The following MLYCD variants were observed in gnomAD, a reference collection of about 807,000 sequenced individuals.
MLYCD encodes malonyl-CoA decarboxylase, mitochondrial.
A neutral mutation model predicts 35.8 loss-of-function variants in MLYCD; 27 were observed. The observed-to-expected ratio is 0.75, with a 90% CI of 0.56 to 1.04. The LOEUF is 1.04. Among genes scored for constraint, MLYCD ranks in the 50% least tolerant of loss-of-function variants. MLYCD has a pLI of 0.00. For synonymous variants in MLYCD, 403 were observed against 302.4 expected (o/e 1.33, Z -3.45); for missense variants, 917 against 665.1 (o/e 1.38, Z -4.17).
At chr16:83,912,635 C>A in intron 4 of MLYCD, 1 of 489,256 alleles carries the variant, frequency 2.0e-6, no homozygotes, top group Non-Finnish European at 3.7e-6. Flanking sequence ...CATCAACTCT[C>A]TCTAGGGTGA....
chr16:83,902,373 C>T (rs1597287834), intron 1 of MLYCD, among the ~76,000 whole-genome samples: 1 of 151,246 alleles, frequency 6.6e-6, no homozygotes, highest in African/African-American at 2.4e-5. Flanking sequence ...TTTAAAATCC[C>T]TGTCGCTTAA....
At chr16:83,911,206 CTGA>C (rs1163888687) in intron 3 of MLYCD, among the ~76,000 whole-genome samples, 1 of 152,118 alleles carries the variant, frequency 6.6e-6, no homozygotes, top group East Asian at 1.9e-4. Flanking sequence ...TCTCGATCTC[CTGA>C]CCTCGTGATC....
chr16:83,900,582 ATTTTTTTTTT>A (rs1156957811), intron 1 of MLYCD, among the ~76,000 whole-genome samples: 2 of 121,062 alleles, frequency 1.7e-5, no homozygotes, highest in African/African-American at 3.1e-5. Flanking sequence ...TGCCCGGCTA[ATTTTTTTTTT>A]TTTTTTTTTT....
In MLYCD at chr16:83,922,234, A is replaced by G. The variant is rs1211059583; in HGVS notation, c.*6745A>G. 1 of 147,324 alleles carries G rather than the reference A, an allele frequency of 6.8e-6. No homozygotes were observed. Among genetic ancestry groups the G allele is most frequent in the Non-Finnish European group, 1.5e-5 (1 of 67,138 alleles). 9.1% of individuals were successfully genotyped at this position (147,324 alleles called of 1,614,324 possible). ...GCTTCCGGAGCCCGCGTCCCGTCCC[A>G]TCTCAGGAGCTACTCTGCTCCATTC... On this transcript the variant is annotated 3_prime_UTR_variant, in exon 5 of 5. Transcript: ENST00000262430.
rs536096697 is a variant in MLYCD, at chr16:83,917,917, C to G, written c.*2428C>G. 1.3e-5 allele frequency: 2 copies of G among 152,340 alleles called. No individual in the cohort carries two copies. Among genetic ancestry groups the G allele is most frequent in the Admixed American group, 6.5e-5 (1 of 15,292 alleles). The allele number at this position is 152,340 out of a possible 1,614,324, so 9.4% of individuals were successfully genotyped here. On this transcript the variant is annotated 3_prime_UTR_variant, in exon 5 of 5. Coordinates refer to ENST00000262430, the MANE Select transcript of MLYCD (RefSeq NM_012213.3). Reference sequence around the variant, plus strand: ...GCTGTCTGGTTCTCTCCTGTGTGGACAGGGGATGATAGGAATTCCCGCTGC... The same window carrying G: ...GCTGTCTGGTTCTCTCCTGTGTGGAGAGGGGATGATAGGAATTCCCGCTGC...
rs1907514233 is a variant in MLYCD at position 83,918,479 on chromosome 16, C to G, written c.*2990C>G. ...CACACGGTGCACAGGAGAACACACACAGTGCACAGGAGAACACGCACAGTG... is the reference window on the plus strand; with the variant it reads ...CACACGGTGCACAGGAGAACACACAGAGTGCACAGGAGAACACGCACAGTG... On this transcript the variant is annotated 3_prime_UTR_variant, in exon 5 of 5. Coordinates refer to ENST00000262430, the MANE Select transcript of MLYCD (RefSeq NM_012213.3). The G allele has an allele frequency of 2.3e-5, 3 of 131,574 alleles. No individual in the cohort carries two copies. Among genetic ancestry groups the G allele is most frequent in the African/African-American group, 8.3e-5 (3 of 36,120 alleles). 8.2% of individuals were successfully genotyped at this position (131,574 alleles called of 1,614,324 possible).
At position 83,915,866 on chromosome 16, in the gene MLYCD, G is replaced by T; in HGVS notation, c.*377G>T. 1 of 1,185,014 alleles carries T rather than the reference G, an allele frequency of 8.4e-7. No homozygotes were observed. The highest frequency in any genetic ancestry group is 1.1e-6 in the Non-Finnish European group (1 of 945,354). 73.4% of individuals were successfully genotyped at this position (1,185,014 alleles called of 1,614,324 possible). On this transcript the variant is annotated 3_prime_UTR_variant, in exon 5 of 5. Coordinates refer to ENST00000262430, the MANE Select transcript of MLYCD (RefSeq NM_012213.3). ...GATCTGGCATCCTCCTAAGGACCGG[G>T]GCGCGTGGCCCAGATAAGAATAGGT...
chr16:83,899,153 C>G lies in MLYCD; in HGVS notation c.9C>G (p.Gly3=). 1.0e-5 allele frequency: 12 copies of G among 1,147,260 alleles called. No individual in the cohort carries two copies. Among genetic ancestry groups the G allele is most frequent in the Non-Finnish European group, 1.3e-5 (12 of 936,656 alleles). 71.1% of individuals were successfully genotyped at this position (1,147,260 alleles called of 1,614,324 possible). A position where few individuals can be genotyped will look rare whatever the true frequency, so the allele number is the denominator to read the frequency against. Residue 3 remains glycine, a synonymous_variant, in exon 1 of 5, where the codon GGC becomes GGG. Transcript: ENST00000262430. ...AGCTGTTGTGGGGCACCATGCGAGG[C>G]TTCGGGCCAGGCTTGACGGCCAGGC... The part of the protein sequence containing the change: MR[G]FGPGLTARRL...
intron 2 of MLYCD, among the ~76,000 whole-genome samples, chr16:83,907,543 C>T (rs16962186): frequency 0.037 from 5,561 of 152,250 alleles, 283 homozygotes; most frequent in African/African-American, 0.11. Context: ...ACATCCAGGA[C>T]CCGTATGACA....
At chr16:83,905,697 A>T (rs1330454385) in intron 1 of MLYCD, among the ~76,000 whole-genome samples, 1 of 152,246 alleles carries the variant, frequency 6.6e-6, no homozygotes, top group African/African-American at 2.4e-5. Context: ...AAGTGGCTGC[A>T]GGAGACCTCT....
At chr16:83,901,542 C>T (rs1330682957) in intron 1 of MLYCD, among the ~76,000 whole-genome samples, 1 of 152,188 alleles carries the variant, frequency 6.6e-6, no homozygotes, top group African/African-American at 2.4e-5. Flanking sequence ...AGAGGGTCCT[C>T]ATATCAGACA....
rs1433955076 is a variant in MLYCD, at chr16:83,920,435, G to A, written c.*4946G>A. Reference sequence around the variant, plus strand: ...GTCAGAGAGCCCTGTCCAATGGGCAGAGCTGGGAGACACGCAGGAAGACCC... The same window carrying A: ...GTCAGAGAGCCCTGTCCAATGGGCAAAGCTGGGAGACACGCAGGAAGACCC... On this transcript the variant is annotated 3_prime_UTR_variant, in exon 5 of 5. Coordinates refer to ENST00000262430, the MANE Select transcript of MLYCD (RefSeq NM_012213.3). 6.6e-6 allele frequency: 1 copy of A among 152,240 alleles called. No homozygotes were observed. The highest frequency in any genetic ancestry group is 1.5e-5 in the Non-Finnish European group (1 of 68,056). 9.4% of individuals were successfully genotyped at this position (152,240 alleles called of 1,614,324 possible).
At chr16:83,905,962 A>G (rs1221027040) in intron 1 of MLYCD, among the ~76,000 whole-genome samples, 1 of 152,334 alleles carries the variant, frequency 6.6e-6, no homozygotes, top group African/African-American at 2.4e-5. Context: ...GGTCAAGTCA[A>G]TTCACATCAT....
rs774892514 is a variant in MLYCD at position 83,908,175 on chromosome 16, G to A, written c.691G>A (p.Val231Ile). The change falls in exon 3 of 5, where the codon GTT becomes ATT. Residue 231 changes from valine (V) to isoleucine (I), a missense_variant. Transcript: ENST00000262430. ...AAACTGGATGGACATGAAGCGCCGC[G>A]TTGGGCCCTACAGAAGGTGTTACTT... is the stretch of plus-strand genomic sequence containing the variant. Reference protein sequence around the residue: ...VKNWMDMKRRVGPYRRCYFFS... With the variant: ...VKNWMDMKRRIGPYRRCYFFS... 16 of 1,614,088 alleles carry A rather than the reference G, an allele frequency of 9.9e-6. No homozygotes were observed. Among genetic ancestry groups the A allele is most frequent in the South Asian group, 3.3e-5 (3 of 91,084 alleles).
At chr16:83,912,108 T>C in intron 3 of MLYCD, 110 bp from the exon 4 acceptor site, 1 of 1,496,308 alleles carries the variant, frequency 6.7e-7, no homozygotes, top group South Asian at 1.1e-5. Context: ...CGAGGTCTCT[T>C]CCAGCTCCTT....
Position 83,912,350 on chromosome 16 carries a change from G to A in MLYCD, c.931G>A (p.Val311Ile). ...VELGTFLIKR[V>I]VKELQREFPH... ...GCTGGGAACATTCCTCATAAAGCGAGTCGTCAAGGAGTTGCAGGTAAGCGA... is the reference window on the plus strand; with the variant it reads ...GCTGGGAACATTCCTCATAAAGCGAATCGTCAAGGAGTTGCAGGTAAGCGA... The change falls in exon 4 of 5, where the codon GTC (valine) becomes ATC (isoleucine). Residue 311 changes from valine to isoleucine, a missense_variant. Val to Ile is a conservative substitution (Grantham distance 29). Transcript: ENST00000262430. The A allele has an allele frequency of 6.2e-7, 1 of 1,614,174 alleles. No individual in the cohort carries two copies. The highest frequency in any genetic ancestry group is 8.5e-7 in the Non-Finnish European group (1 of 1,180,046).
In MLYCD at chr16:83,924,412, C is replaced by T. The variant is rs1229236218; in HGVS notation, c.*8923C>T. ...GGGGGAGATGGAGTGGGCCGTATCC[C>T]ACCCAGCAGGAGCGCTTGCTTCTGA... On this transcript the variant is annotated 3_prime_UTR_variant, in exon 5 of 5. Coordinates refer to ENST00000262430, the MANE Select transcript of MLYCD (RefSeq NM_012213.3). 1 of 152,266 alleles carries T rather than the reference C, an allele frequency of 6.6e-6. No homozygotes were observed. The highest frequency in any genetic ancestry group is 1.5e-5 in the Non-Finnish European group (1 of 68,096). The allele number at this position is 152,266 out of a possible 1,614,324, so 9.4% of individuals were successfully genotyped here.
rs1013821544 is a variant in MLYCD, at chr16:83,921,362, G to A, written c.*5873G>A. On this transcript the variant is annotated 3_prime_UTR_variant, in exon 5 of 5. Coordinates refer to ENST00000262430, the MANE Select transcript of MLYCD (RefSeq NM_012213.3). The stretch of plus-strand genomic sequence containing the variant: ...TGTAGATGGAAGGAAAGGAAAGGAG[G>A]ATGGATGGATGGATGGATGGATAGA... 1.9e-5 allele frequency: 2 copies of A among 106,658 alleles called. No homozygotes were observed. The highest frequency in any genetic ancestry group is 8.7e-5 in the African/African-American group (2 of 22,886). 6.6% of individuals were successfully genotyped at this position (106,658 alleles called of 1,614,324 possible).
At chr16:83,912,390 C>T (rs770860169) in intron 4 of MLYCD, 23 bp downstream of exon 4, 10 of 1,613,754 alleles carry the variant, frequency 6.2e-6, no homozygotes, top group East Asian at 2.2e-5. Flanking sequence ...CAGGGAGCCC[C>T]GGTCACGCTT....
Sources: gnomAD v4.1 joint callset for allele counts (sites outside exome capture counted in the v4.1 genomes callset) on GRCh38, gnomAD v4.1.1 for gene constraint, MANE v1.5 for transcripts, NCBI Gene and HGNC (gene_info 2026-07-23, HGNC 2026-07-21) for gene names.